NUP210L: variants seen among roughly 807,000 people sequenced by gnomAD.
The protein encoded by NUP210L is nuclear pore membrane glycoprotein 210-like.
Under a neutral mutation model 208.5 loss-of-function variants are expected in NUP210L, and 74 were observed. The ratio of observed to expected loss-of-function variants is 0.35; its 90% CI spans 0.29 to 0.43. NUP210L has a LOEUF of 0.43. Among genes scored for constraint, NUP210L ranks in the 20% least tolerant of loss-of-function variants. NUP210L has a pLI of 1.00. For missense variants in NUP210L, 1,843 were observed against 2,289.4 expected (o/e 0.81, Z 3.98); for synonymous variants, 780 against 816.9 (o/e 0.95, Z 0.77).
At chr1:154,133,716 C>T (rs983585948) in intron 7 of NUP210L, among the ~76,000 whole-genome samples, 1 of 151,980 alleles carries the variant, frequency 6.6e-6, no homozygotes, top group Non-Finnish European at 1.5e-5. Context: ...TGGCACGTGC[C>T]TGTGGTCCCA....
chr1:154,057,041 T>TGC, intron 22 of NUP210L, 94 bp from the exon 23 acceptor site: 1 of 1,239,150 alleles, frequency 8.1e-7, no homozygotes, highest in Non-Finnish European at 1.1e-6. Context: ...TGCAGTGGCA[T>TGC]GATCTCAGCT....
intron 2 of NUP210L, among the ~76,000 whole-genome samples, chr1:154,143,925 T>C (rs1487913769): frequency 6.6e-6 from 1 of 152,184 alleles, no homozygotes; most frequent in African/African-American, 2.4e-5. Flanking sequence ...CTCATGCCTG[T>C]AATCCCAGCA....
At chr1:154,058,791 G>T in intron 20 of NUP210L, 98 bp from the exon 21 acceptor site, 1 of 1,267,858 alleles carries the variant, frequency 7.9e-7, no homozygotes, top group Non-Finnish European at 1.1e-6. Context: ...AAAACATCTT[G>T]CTTTCTTTGA....
rs556169291 is a variant in NUP210L at position 154,093,681 on chromosome 1, C to G, written c.2187+1254G>C. 5.5e-4 allele frequency among the ~76,000 whole-genome samples: 84 copies of G among 152,248 alleles called. 2 individuals carry two copies. In the South Asian group the frequency reaches 0.015, roughly 27 times the overall value. On this transcript the variant is annotated intron_variant, in intron 15 of 39. Coordinates refer to ENST00000368559, the Ensembl canonical transcript of NUP210L. ...AAGTTCAATGGATTACAGCACAGTT[C>G]TTATCAAGTTAAAATCTTACATTGA...
intron 16 of NUP210L, among the ~76,000 whole-genome samples, chr1:154,071,730 G>A (rs1476013731): frequency 6.7e-6 from 1 of 149,874 alleles, no homozygotes; most frequent in Non-Finnish European, 1.5e-5. Context: ...CCGCCTCCTG[G>A]GTTCAAGCGA....
At chr1:154,005,504 A>C (rs954933940) in intron 35 of NUP210L, among the ~76,000 whole-genome samples, 1 of 152,022 alleles carries the variant, frequency 6.6e-6, no homozygotes, top group Non-Finnish European at 1.5e-5. Context: ...CTTGGATTAC[A>C]GGTGTGAGCC....
chr1:154,075,799 T>C (rs1250271892), intron 16 of NUP210L, among the ~76,000 whole-genome samples: 2 of 151,904 alleles, frequency 1.3e-5, no homozygotes, highest in Non-Finnish European at 2.9e-5. Context: ...TTTTTTTTTT[T>C]CCTTTTTTGA....
chr1:154,110,489 C>T (rs1482492098), intron 12 of NUP210L, among the ~76,000 whole-genome samples: 4 of 151,174 alleles, frequency 2.6e-5, no homozygotes, highest in Admixed American at 2.6e-4. Flanking sequence ...TCAGGATGGT[C>T]TCAATCTCTT....
chr1:154,140,923 G>A (rs1047649889), intron 4 of NUP210L, among the ~76,000 whole-genome samples: 2 of 150,790 alleles, frequency 1.3e-5, no homozygotes, highest in Non-Finnish European at 2.9e-5. Flanking sequence ...GAACCCGGGA[G>A]GCAGAGGTTG....
At chr1:154,088,910 G>T (rs1191788111) in intron 16 of NUP210L, among the ~76,000 whole-genome samples, 2 of 152,042 alleles carry the variant, frequency 1.3e-5, no homozygotes, top group African/African-American at 4.8e-5. Flanking sequence ...ATACCCTGTT[G>T]CCTACTTAGT....
rs1653158071 is a variant in NUP210L at position 154,046,068 on chromosome 1, C to G, written c.3696+1G>C. On this transcript the variant is annotated splice_donor_variant, in intron 27 of 39. Coordinates refer to ENST00000368559, the Ensembl canonical transcript of NUP210L. LOFTEE classifies it high-confidence loss of function. ...AACACAATAAACAGGCAAATTCTTA[C>G]CTCTGAATGCCTGGGCACTAGATCC... 1 of 1,613,282 alleles carries G rather than the reference C, an allele frequency of 6.2e-7. No individual in the cohort carries two copies. Among genetic ancestry groups the G allele is most frequent in the African/African-American group, 1.3e-5 (1 of 74,888 alleles).
intron 37 of NUP210L, among the ~76,000 whole-genome samples, chr1:153,999,774 A>C (rs530775774): frequency 6.6e-6 from 1 of 151,620 alleles, no homozygotes; most frequent in African/African-American, 2.4e-5. Context: ...AAATAGGGCA[A>C]ATAGTATACT....
intron 37 of NUP210L, among the ~76,000 whole-genome samples, chr1:153,998,708 CTT>C (rs34457474): frequency 3.8e-4 from 42 of 109,800 alleles, no homozygotes; most frequent in East Asian, 9.4e-4. Flanking sequence ...TCTAGAGATC[CTT>C]TTTTTTTTTT....
chr1:154,085,133 A>C (rs1390557046), intron 16 of NUP210L, among the ~76,000 whole-genome samples: 2 of 147,004 alleles, frequency 1.4e-5, no homozygotes, highest in Admixed American at 6.7e-5. Context: ...GAATCATGAG[A>C]TCAGGAGCTT....
chr1:154,025,138 C>A (rs1282352893), intron 30 of NUP210L, among the ~76,000 whole-genome samples: 2 of 150,372 alleles, frequency 1.3e-5, no homozygotes, highest in African/African-American at 4.9e-5. Context: ...CCGTGTTAGC[C>A]AGGATGGTCT....
chr1:154,031,913 A>G (rs1287148354), intron 27 of NUP210L, among the ~76,000 whole-genome samples: 1 of 151,626 alleles, frequency 6.6e-6, no homozygotes, highest in Non-Finnish European at 1.5e-5. Flanking sequence ...TTTTTTTTGT[A>G]GAGACCGAGT....
chr1:154,006,875 CACAT>C (rs1166772505), intron 35 of NUP210L, among the ~76,000 whole-genome samples: 1 of 141,464 alleles, frequency 7.1e-6, no homozygotes, highest in Non-Finnish European at 1.5e-5. Context: ...TACATACACA[CACAT>C]ACATATGTAT....
rs34457474 is a variant in NUP210L at position 153,998,708 on chromosome 1, C to CTT, written c.5386+2146_5386+2147dup. ...CATTCTGTGATAGTATCTAGAGATCCTTTTTTTTTTTTTTTTTTTTTTAAT... is the reference window on the plus strand; with the variant it reads ...CATTCTGTGATAGTATCTAGAGATCCTTTTTTTTTTTTTTTTTTTTTTTTAAT... On this transcript the variant is annotated intron_variant, in intron 37 of 39. Transcript: ENST00000368559. 6.7e-3 allele frequency among the ~76,000 whole-genome samples: 741 copies of CTT among 109,806 alleles called. 26 individuals are homozygous for CTT. The highest frequency in any genetic ancestry group is 0.025 in the African/African-American group (661 of 26,344). The allele number at this position is 109,806 out of a possible 152,430, so 72.0% of individuals were successfully genotyped here.
At chr1:154,074,363 C>CT (rs1017156275) in intron 16 of NUP210L, among the ~76,000 whole-genome samples, 4 of 152,018 alleles carry the variant, frequency 2.6e-5, no homozygotes, top group Admixed American at 6.6e-5. Flanking sequence ...AAAAAGCATC[C>CT]TTTTTTCTCT....
Sources: gnomAD v4.1 joint callset for allele counts (sites outside exome capture counted in the v4.1 genomes callset) on GRCh38, gnomAD v4.1.1 for gene constraint, MANE v1.5 for transcripts, NCBI Gene and HGNC (gene_info 2026-07-23, HGNC 2026-07-21) for gene names.